ZDHHC2: variants seen among roughly 807,000 people sequenced by gnomAD.
The protein encoded by ZDHHC2 is palmitoyltransferase ZDHHC2.
Under a neutral mutation model 55.6 loss-of-function variants are expected in ZDHHC2, and 51 were observed. That is an observed-to-expected ratio of 0.92 (90% CI 0.73 to 1.16). The LOEUF (loss-of-function observed/expected upper bound fraction) is 1.16, where lower values mean the gene tolerates loss of function less well. Ranked by LOEUF, ZDHHC2 falls within the 50% of genes most tolerant of loss-of-function variation. The pLI, the probability that ZDHHC2 is intolerant of heterozygous loss-of-function variation, is 0.00. For synonymous variants in ZDHHC2, 199 were observed against 152.9 expected, an observed-to-expected ratio of 1.30 and a Z score of -2.22; for missense variants, 491 against 442.4, an observed-to-expected ratio of 1.11 and a Z score of -0.99.
Position 17,185,062 on chromosome 8 carries a change from A to T in ZDHHC2, c.157+247A>T, listed in dbSNP as rs908526843. Among the ~76,000 whole-genome samples, 29 of 152,150 alleles carry T rather than the reference A, an allele frequency of 1.9e-4. 1 individual carries two copies. The highest frequency in any genetic ancestry group is 8.5e-4 in the Admixed American group (13 of 15,278). On this transcript the variant is annotated intron_variant, in intron 2 of 12. Coordinates refer to ENST00000262096, the MANE Select transcript of ZDHHC2 (RefSeq NM_016353.5). ...GGCTTTGAGGTATAGGGATATCAAC[A>T]ATTTCCTTTCCTAATTCAGATTATG...
At chr8:17,218,135 C>G (rs1807732301) in intron 12 of ZDHHC2, among the ~76,000 whole-genome samples, 1 of 152,160 alleles carries the variant, frequency 6.6e-6, no homozygotes, top group Non-Finnish European at 1.5e-5. Flanking sequence ...TGACTAGTAT[C>G]TGATTTTGGG....
chr8:17,173,171 G>A (rs995473151), intron 1 of ZDHHC2, among the ~76,000 whole-genome samples: 1 of 152,192 alleles, frequency 6.6e-6, no homozygotes, highest in Non-Finnish European at 1.5e-5. Context: ...CAGCCCAGTG[G>A]CTGCGAGGCA....
Position 17,156,685 on chromosome 8 carries a change from G to GGGC in ZDHHC2, c.-30_-28dup, listed in dbSNP as rs1406856588. The stretch of plus-strand genomic sequence containing the variant: ...CAGCCCGCCCCGGAGCCAGGCCCGC[G>GGGC]GGCGGCGGCGGAGCTGGGCAGGTGG... On this transcript the variant is annotated 5_prime_UTR_variant, in exon 1 of 13. Coordinates refer to ENST00000262096, the MANE Select transcript of ZDHHC2 (RefSeq NM_016353.5). 2.4e-6 allele frequency: 3 copies of GGGC among 1,273,184 alleles called. No homozygotes were observed. Among genetic ancestry groups the GGGC allele is most frequent in the Non-Finnish European group, 2.0e-6 (2 of 1,009,430 alleles). 78.9% of individuals were successfully genotyped at this position (1,273,184 alleles called of 1,614,324 possible).
intron 10 of ZDHHC2, among the ~76,000 whole-genome samples, chr8:17,211,466 TG>T (rs1176414121): frequency 3.3e-5 from 5 of 151,836 alleles, no homozygotes; most frequent in Admixed American, 2.6e-4. Context: ...AAGTTCTTTT[TG>T]TTGTTGTTGT....
chr8:17,212,239 C>G (rs1482798335), intron 10 of ZDHHC2, among the ~76,000 whole-genome samples: 1 of 152,194 alleles, frequency 6.6e-6, no homozygotes, highest in African/African-American at 2.4e-5. Context: ...CTGTTCTCTT[C>G]TTTACTCCAG....
At chr8:17,211,909 C>T (rs1451641930) in intron 10 of ZDHHC2, among the ~76,000 whole-genome samples, 2 of 152,000 alleles carry the variant, frequency 1.3e-5, no homozygotes, top group African/African-American at 2.4e-5. Flanking sequence ...ATTCAGAATA[C>T]GTTTCAAGCT....
chr8:17,189,506 A>G (rs1174788505), intron 3 of ZDHHC2, among the ~76,000 whole-genome samples: 2 of 152,214 alleles, frequency 1.3e-5, no homozygotes, highest in Non-Finnish European at 2.9e-5. Context: ...TACTCAAGAG[A>G]TACTTTTTAA....
At chr8:17,174,225 A>G (rs1241973187) in intron 1 of ZDHHC2, among the ~76,000 whole-genome samples, 6 of 151,882 alleles carry the variant, frequency 4.0e-5, no homozygotes, top group African/African-American at 7.3e-5. Context: ...AGTAGCTGGG[A>G]CCACAGGTGC....
At position 17,190,951 on chromosome 8, in the gene ZDHHC2, C is replaced by CTTTTTTT. The variant is rs10601402; in HGVS notation, c.253-4531_253-4525dup. On this transcript the variant is annotated intron_variant, in intron 3 of 12. Coordinates refer to ENST00000262096, the MANE Select transcript of ZDHHC2 (RefSeq NM_016353.5). Reference sequence around the variant, plus strand: ...TGTCAAATACTAGGTCTTATTCATTCTTTTTTTTTTTTTTTTTTTTTTTTT... The same window carrying CTTTTTTT: ...TGTCAAATACTAGGTCTTATTCATTCTTTTTTTTTTTTTTTTTTTTTTTTTTTTTTTT... Among the ~76,000 whole-genome samples the CTTTTTTT allele has an allele frequency of 1.2e-3, 61 of 52,792 alleles. 2 individuals are homozygous for CTTTTTTT. Among genetic ancestry groups the CTTTTTTT allele is most frequent in the Non-Finnish European group, 1.4e-3 (41 of 29,446 alleles). The allele number at this position is 52,792 out of a possible 152,430, so 34.6% of individuals were successfully genotyped here.
At chr8:17,181,630 T>A (rs758590848) in intron 1 of ZDHHC2, among the ~76,000 whole-genome samples, 3 of 152,182 alleles carry the variant, frequency 2.0e-5, no homozygotes, top group Non-Finnish European at 2.9e-5. Context: ...CAAATTGAAA[T>A]TCTGTCTGTG....
chr8:17,190,047 C>G (rs1805937801), intron 3 of ZDHHC2, among the ~76,000 whole-genome samples: 1 of 151,968 alleles, frequency 6.6e-6, no homozygotes, highest in South Asian at 2.1e-4. Context: ...CCCAGGACTT[C>G]AATTGAAGCA....
At chr8:17,197,812 G>A (rs964553823) in intron 5 of ZDHHC2, among the ~76,000 whole-genome samples, 161 bp downstream of exon 5, 1 of 152,214 alleles carries the variant, frequency 6.6e-6, no homozygotes, top group African/African-American at 2.4e-5. Context: ...ATTCATACCA[G>A]TGAGGCCTAA....
intron 10 of ZDHHC2, among the ~76,000 whole-genome samples, chr8:17,211,717 TAC>T (rs1370026717): frequency 2.0e-5 from 3 of 152,152 alleles, no homozygotes; most frequent in African/African-American, 7.2e-5. Flanking sequence ...GTGAGCTATG[TAC>T]AGGCCAGACC....
rs1248059404 is a variant in ZDHHC2 at position 17,215,224 on chromosome 8, A to C, written c.951-13A>C. ...CTTATGATGATTTTGATGATTATTC[A>C]ATTATTATTCAGTCTCGAAAACCAT... On this transcript the variant is annotated splice_polypyrimidine_tract_variant and intron_variant, in intron 10 of 12. Transcript: ENST00000262096. 1 of 1,558,022 alleles carries C rather than the reference A, an allele frequency of 6.4e-7. No homozygotes were observed.
At chr8:17,210,555 C>T in intron 10 of ZDHHC2, 75 bp downstream of exon 10, 1 of 1,263,466 alleles carries the variant, frequency 7.9e-7, no homozygotes, top group South Asian at 1.6e-5. Flanking sequence ...TTATATGTTC[C>T]TTTGAAAAAA....
At chr8:17,202,827 C>T (rs554377805) in intron 6 of ZDHHC2, among the ~76,000 whole-genome samples, 80 of 151,998 alleles carry the variant, frequency 5.3e-4, no homozygotes, top group Non-Finnish European at 9.6e-4. Flanking sequence ...ATATGGTCTT[C>T]ATTTACTGAC....
At chr8:17,215,596 A>G (rs1194957661) in intron 11 of ZDHHC2, among the ~76,000 whole-genome samples, 2 of 152,240 alleles carry the variant, frequency 1.3e-5, no homozygotes, top group Non-Finnish European at 2.9e-5. Flanking sequence ...CCAAATCTTT[A>G]TCACCATTCC....
At chr8:17,188,254 A>G (rs1223144027) in intron 3 of ZDHHC2, among the ~76,000 whole-genome samples, 1 of 152,080 alleles carries the variant, frequency 6.6e-6, no homozygotes, top group Admixed American at 6.5e-5. Flanking sequence ...AACTTCATCC[A>G]ATACCCTGAA....
chr8:17,160,569 A>G (rs1444227279), intron 1 of ZDHHC2, among the ~76,000 whole-genome samples: 1 of 152,236 alleles, frequency 6.6e-6, no homozygotes, highest in Non-Finnish European at 1.5e-5. Context: ...GCTGTAATGC[A>G]GATGTCCAGA....
Sources: gnomAD v4.1 joint callset for allele counts (sites outside exome capture counted in the v4.1 genomes callset) on GRCh38, gnomAD v4.1.1 for gene constraint, MANE v1.5 for transcripts, NCBI Gene and HGNC (gene_info 2026-07-23, HGNC 2026-07-21) for gene names.